Variants in ESF1 observed in about 807,000 individuals in gnomAD.
ESF1 encodes the protein ESF1 nucleolar pre-rRNA processing protein.
Under a neutral mutation model 92.0 loss-of-function variants are expected in ESF1, and 58 were observed. The observed-to-expected ratio is 0.63, with a 90% CI of 0.51 to 0.78. ESF1 has a LOEUF of 0.78. Ranked by LOEUF, ESF1 falls within the 30% of genes least tolerant of loss-of-function variation. The pLI is 0.00. For synonymous variants in ESF1, 321 were observed against 313.7 expected, an observed-to-expected ratio of 1.02 and a Z score of -0.24; for missense variants, 922 against 989.1, an observed-to-expected ratio of 0.93 and a Z score of 0.91.
chr20:13,748,725 T>C (rs1978449994), intron 9 of ESF1, among the ~76,000 whole-genome samples: 1 of 150,590 alleles, frequency 6.6e-6, no homozygotes, highest in African/African-American at 2.4e-5. Context: ...TAGCTGGGAC[T>C]ACAGGCACCC....
chr20:13,770,056 C>T (rs746381728), intron 6 of ESF1, 35 bp from the exon 7 acceptor site: 53 of 1,256,196 alleles, frequency 4.2e-5, no homozygotes, highest in Admixed American at 1.9e-4. Flanking sequence ...ATTTAAAATA[C>T]GCTGCAGTGA....
At position 13,783,191 on chromosome 20, in the gene ESF1, A is replaced by G. The variant is rs187798810; in HGVS notation, c.-43-8T>C. On this transcript the variant is annotated splice_region_variant and splice_polypyrimidine_tract_variant and intron_variant, in intron 1 of 13. Coordinates refer to ENST00000617257, the MANE Select transcript of ESF1 (RefSeq NM_001276380.2). ...GCTTGAAGAAAACAAATACTGAAAAATAAAACAAATGTTTTAATGGTAATA... is the reference window on the plus strand; with the variant it reads ...GCTTGAAGAAAACAAATACTGAAAAGTAAAACAAATGTTTTAATGGTAATA... 6.5e-7 allele frequency: 1 copy of G among 1,530,098 alleles called. No individual in the cohort carries two copies. The highest frequency in any genetic ancestry group is 2.1e-5 in the Admixed American group (1 of 48,432). 94.8% of individuals were successfully genotyped at this position (1,530,098 alleles called of 1,614,324 possible). A position where few individuals can be genotyped will look rare whatever the true frequency, so the allele number is the denominator to read the frequency against.
intron 9 of ESF1, among the ~76,000 whole-genome samples, chr20:13,740,909 C>T (rs986306082): frequency 6.6e-6 from 1 of 152,126 alleles, no homozygotes; most frequent in African/African-American, 2.4e-5. Flanking sequence ...AAAATTGCCC[C>T]TTCCCAGAAA....
intron 8 of ESF1, among the ~76,000 whole-genome samples, chr20:13,763,171 A>C (rs915967036): frequency 8.5e-5 from 13 of 152,242 alleles, no homozygotes; most frequent in African/African-American, 3.1e-4. Context: ...TATTTATTAA[A>C]GTTTTAAGAA....
chr20:13,738,940 C>T (rs1457695576), intron 9 of ESF1, among the ~76,000 whole-genome samples: 1 of 152,172 alleles, frequency 6.6e-6, no homozygotes, highest in Non-Finnish European at 1.5e-5. Flanking sequence ...AATAACTAGC[C>T]TTGTGAACAA....
chr20:13,733,658 C>G, intron 10 of ESF1, 63 bp downstream of exon 10: 1 of 1,515,260 alleles, frequency 6.6e-7, no homozygotes, highest in South Asian at 1.3e-5. Flanking sequence ...ATTCCAAGCA[C>G]CTGGTACCAT....
At chr20:13,774,623 A>G (rs957125989) in intron 4 of ESF1, among the ~76,000 whole-genome samples, 6 of 152,236 alleles carry the variant, frequency 3.9e-5, no homozygotes, top group South Asian at 2.1e-4. Context: ...CCAGGATCAC[A>G]TAACACTTAC....
chr20:13,742,316 C>CA (rs1600275686), intron 9 of ESF1, among the ~76,000 whole-genome samples: 1 of 151,792 alleles, frequency 6.6e-6, no homozygotes, highest in Admixed American at 6.6e-5. Context: ...ACTAAAAATA[C>CA]AAAAAAACTA....
In ESF1 at chr20:13,771,483, C is replaced by G; in HGVS notation, c.1251G>C (p.Trp417Cys). ...AATCTCTCAATTTTTCTCTAGACGT[C>G]CTAAAGTGGGAAAAACTTATTAAGC... Reference protein sequence around the residue: ...SIPEDAPEKDWTSREKLRDYQ... With the variant: ...SIPEDAPEKDCTSREKLRDYQ... Residue 417 changes from tryptophan (W) to cysteine (C), a missense_variant and splice_region_variant, in exon 6 of 14, where the codon TGG (tryptophan) becomes TGC (cysteine). Physicochemically the swap from Trp to Cys is radical, Grantham distance 215 (BLOSUM62 -2). Transcript: ENST00000617257. The G allele has an allele frequency of 6.2e-7, 1 of 1,608,926 alleles. No homozygotes were observed. The highest frequency in any genetic ancestry group is 1.1e-5 in the South Asian group (1 of 90,154).
chr20:13,735,878 T>C (rs1219942003), intron 9 of ESF1, among the ~76,000 whole-genome samples: 5 of 152,166 alleles, frequency 3.3e-5, no homozygotes, highest in African/African-American at 1.2e-4. Context: ...GAGGACTGGG[T>C]TGATGTGTCT....
At chr20:13,753,391 G>A (rs1422399842) in intron 9 of ESF1, among the ~76,000 whole-genome samples, 1 of 149,724 alleles carries the variant, frequency 6.7e-6, no homozygotes, top group Non-Finnish European at 1.5e-5. Flanking sequence ...TCCACTGGCT[G>A]GCCCTCCTCC....
chr20:13,718,870 A>G (rs1325897888), intron 12 of ESF1, 38 bp downstream of exon 12: 1 of 1,465,394 alleles, frequency 6.8e-7, no homozygotes, highest in Non-Finnish European at 9.3e-7. Context: ...TGTACCTATG[A>G]ATTATCCACT....
intron 4 of ESF1, among the ~76,000 whole-genome samples, chr20:13,773,949 G>A (rs1979806583): frequency 6.6e-6 from 1 of 152,036 alleles, no homozygotes; most frequent in African/African-American, 2.4e-5. Context: ...CAAAAAATTA[G>A]CCGGGCGTGG....
intron 13 of ESF1, among the ~76,000 whole-genome samples, chr20:13,716,642 CTTTTTTT>C (rs1274212917): frequency 2.3e-5 from 3 of 132,882 alleles, no homozygotes; most frequent in Non-Finnish European, 3.3e-5. Context: ...CTTTTTTTTT[CTTTTTTT>C]TTTTTTTTTG....
intron 9 of ESF1, among the ~76,000 whole-genome samples, chr20:13,753,106 A>G (rs1283261135): frequency 6.6e-6 from 1 of 152,034 alleles, no homozygotes; most frequent in South Asian, 2.1e-4. Flanking sequence ...TAATCTCAAA[A>G]TCCCTTTATT....
intron 9 of ESF1, among the ~76,000 whole-genome samples, chr20:13,735,696 G>C (rs114681870): frequency 0.018 from 2,804 of 152,176 alleles, 92 homozygotes; most frequent in African/African-American, 0.063. Flanking sequence ...AATACTCTTT[G>C]AAGTATTCTA....
At chr20:13,740,303 T>C (rs2050003638) in intron 9 of ESF1, among the ~76,000 whole-genome samples, 1 of 152,042 alleles carries the variant, frequency 6.6e-6, no homozygotes, top group African/African-American at 2.4e-5. Flanking sequence ...ACTATGAATA[T>C]TGGAATTATC....
At chr20:13,717,134 T>C (rs146334247) in intron 13 of ESF1, among the ~76,000 whole-genome samples, 257 of 152,008 alleles carry the variant, frequency 1.7e-3, no homozygotes, top group Middle Eastern at 0.014. Context: ...TTTTTTTATT[T>C]TTCATAGAGA....
intron 9 of ESF1, among the ~76,000 whole-genome samples, chr20:13,754,560 T>C (rs949903047): frequency 6.6e-6 from 1 of 152,210 alleles, no homozygotes; most frequent in Non-Finnish European, 1.5e-5. Context: ...AATGGGCATC[T>C]TGAACTTAAT....
Sources: allele counts gnomAD v4.1 joint callset (sites outside exome capture counted in the v4.1 genomes callset), GRCh38; gene constraint gnomAD v4.1.1; transcripts MANE v1.5; gene names NCBI Gene and HGNC (gene_info 2026-07-23, HGNC 2026-07-21).